PTPN3: variants seen among roughly 807,000 people sequenced by gnomAD.
PTPN3 encodes tyrosine-protein phosphatase non-receptor type 3.
A neutral mutation model predicts 132.7 loss-of-function variants in PTPN3; 96 were observed. That is an observed-to-expected ratio of 0.72 (90% CI 0.61 to 0.86). PTPN3 has a LOEUF of 0.86. Among genes scored for constraint, PTPN3 ranks in the 40% least tolerant of loss-of-function variants. The probability of loss-of-function intolerance (pLI) is 0.00; values close to 1 mark genes in which losing one functional copy is unlikely to be tolerated. For synonymous variants in PTPN3, 398 were observed against 429.0 expected, an observed-to-expected ratio of 0.93 and a Z score of 0.89; for missense variants, 1,125 against 1,159.6, an observed-to-expected ratio of 0.97 and a Z score of 0.43.
chr9:109,523,358 C>G, the PTPN3 span, among the ~76,000 whole-genome samples: 7 of 152,234 alleles, frequency 4.6e-5, no homozygotes, highest in African/African-American at 1.4e-4. Context: ...TTGTGGTCCG[C>G]CTGCCTTGGC....
At chr9:109,533,299 C>T in the PTPN3 span, 1 of 404,890 alleles carries the variant, frequency 2.5e-6, no homozygotes, top group Non-Finnish European at 4.6e-6. Flanking sequence ...CGCCCGCCAC[C>T]GCGCCCGGCT....
At chr9:109,430,978 T>C (rs1330485780) in intron 10 of PTPN3, among the ~76,000 whole-genome samples, 1 of 152,230 alleles carries the variant, frequency 6.6e-6, no homozygotes, top group African/African-American at 2.4e-5. Flanking sequence ...TGCCTTACCC[T>C]GCATGCTTAG....
chr9:109,439,782 G>C (rs1232973491), intron 7 of PTPN3, among the ~76,000 whole-genome samples: 1 of 152,110 alleles, frequency 6.6e-6, no homozygotes, highest in Non-Finnish European at 1.5e-5. Flanking sequence ...GATGGTGCAT[G>C]CCTGTAATCC....
chr9:109,484,754 C>A (rs1847133991), intron 1 of PTPN3, among the ~76,000 whole-genome samples: 1 of 152,192 alleles, frequency 6.6e-6, no homozygotes, highest in African/African-American at 2.4e-5. Flanking sequence ...GCTTCTCTGA[C>A]CCTCCTGCTG....
chr9:109,439,768 G>T (rs913665419), intron 7 of PTPN3, among the ~76,000 whole-genome samples: 1 of 152,140 alleles, frequency 6.6e-6, no homozygotes, highest in African/African-American at 2.4e-5. Flanking sequence ...AATTAGCCAG[G>T]TATGATGGTG....
At chr9:109,453,339 AAT>A (rs1845376885) in intron 5 of PTPN3, among the ~76,000 whole-genome samples, 1 of 152,246 alleles carries the variant, frequency 6.6e-6, no homozygotes, top group Non-Finnish European at 1.5e-5. Context: ...AACAGGATTC[AAT>A]ACTAAGCATC....
At chr9:109,386,654 C>T (rs1220597358) in intron 22 of PTPN3, among the ~76,000 whole-genome samples, 1 of 152,076 alleles carries the variant, frequency 6.6e-6, no homozygotes, top group African/African-American at 2.4e-5. Flanking sequence ...GAATGGGACA[C>T]ACATGGTCAA....
chr9:109,449,615 G>A, intron 5 of PTPN3: 1 of 985,396 alleles, frequency 1.0e-6, no homozygotes, highest in African/African-American at 1.7e-5. Context: ...GAAGCGCCCT[G>A]GGGAGACTTC....
chr9:109,448,201 C>T (rs906297443), intron 6 of PTPN3, among the ~76,000 whole-genome samples: 3 of 152,180 alleles, frequency 2.0e-5, no homozygotes, highest in African/African-American at 7.2e-5. Context: ...CCTCTGAAGA[C>T]CCTCCTCTCC....
chr9:109,460,591 C>T (rs1017103194), intron 2 of PTPN3, among the ~76,000 whole-genome samples: 4 of 152,154 alleles, frequency 2.6e-5, no homozygotes, highest in African/African-American at 9.7e-5. Flanking sequence ...GAAGTGGGCT[C>T]CAGCCTCAGG....
At chr9:109,443,242 A>G (rs1311842430) in intron 7 of PTPN3, among the ~76,000 whole-genome samples, 1 of 151,954 alleles carries the variant, frequency 6.6e-6, no homozygotes, top group Admixed American at 6.6e-5. Context: ...ACACCCAGCT[A>G]ATTTTTCTAT....
At chr9:109,384,146 C>A (rs531496936) in intron 22 of PTPN3, among the ~76,000 whole-genome samples, 1 of 152,018 alleles carries the variant, frequency 6.6e-6, no homozygotes, top group Non-Finnish European at 1.5e-5. Context: ...GCTGGTGAGG[C>A]GGCCGGCGTG....
intron 1 of PTPN3, among the ~76,000 whole-genome samples, chr9:109,484,213 A>G (rs1230583096): frequency 6.6e-6 from 1 of 152,210 alleles, no homozygotes; most frequent in Non-Finnish European, 1.5e-5. Context: ...CATGTCCCAC[A>G]GCAGTCCCTC....
At chr9:109,402,285 C>T (rs562822185) in intron 19 of PTPN3, among the ~76,000 whole-genome samples, 1 of 127,824 alleles carries the variant, frequency 7.8e-6, no homozygotes, top group African/African-American at 2.5e-5. Context: ...CTCTACATTT[C>T]CTTTTTTTTT....
intron 1 of PTPN3, among the ~76,000 whole-genome samples, chr9:109,493,574 A>T (rs1029873989): frequency 1.4e-4 from 22 of 152,286 alleles, no homozygotes; most frequent in African/African-American, 5.3e-4. Flanking sequence ...AAACCATCAA[A>T]ATGTTTCAAA....
At chr9:109,417,333 T>C (rs1229696660) in intron 14 of PTPN3, among the ~76,000 whole-genome samples, 5 of 152,220 alleles carry the variant, frequency 3.3e-5, no homozygotes, top group African/African-American at 1.2e-4. Flanking sequence ...TCTTTCTCTC[T>C]TTCTTCTTTT....
chr9:109,410,156 A>T, intron 15 of PTPN3, 73 bp downstream of exon 15: 2 of 1,612,418 alleles, frequency 1.2e-6, no homozygotes, highest in African/African-American at 2.7e-5. Flanking sequence ...ATTTAGTTAG[A>T]GCTACTCAGC....
At position 109,383,487 on chromosome 9, in the gene PTPN3, T is replaced by C; in HGVS notation, c.2318A>G (p.Gln773Arg). Residue 773 changes from glutamine (Q) to arginine (R), a missense_variant, in exon 23 of 26, where the codon CAG becomes CGG. Transcript: ENST00000374541. ...GATGGTGCAGTCCTCTGACTGACAC[T>C]GGATGTGAAAGCCGCCGTGGTTCAT... The part of the protein sequence containing the change: ...DVMNHGGFHI[Q>R]CQSEDCTIAY... 1 of 1,613,824 alleles carries C rather than the reference T, an allele frequency of 6.2e-7. No homozygotes were observed. Among genetic ancestry groups the C allele is most frequent in the Non-Finnish European group, 8.5e-7 (1 of 1,179,946 alleles).
rs773106170 is a variant in PTPN3 at position 109,382,462 on chromosome 9, G to A, written c.2383-15C>T. The A allele has an allele frequency of 6.2e-7, 1 of 1,613,416 alleles. No individual in the cohort carries two copies. Among genetic ancestry groups the A allele is most frequent in the African/African-American group, 1.3e-5 (1 of 74,914 alleles). ...TCTTCCCCGGTCTGTGGGAGATGCA[G>A]TGGCCTTGGTGAGCCCATCCAGGTG... is the stretch of plus-strand genomic sequence containing the variant. On this transcript the variant is annotated splice_polypyrimidine_tract_variant and intron_variant, in intron 23 of 25. Coordinates refer to ENST00000374541, the MANE Select transcript of PTPN3 (RefSeq NM_002829.4).
Sources: allele counts gnomAD v4.1 joint callset (sites outside exome capture counted in the v4.1 genomes callset), GRCh38; gene constraint gnomAD v4.1.1; transcripts MANE v1.5; gene names NCBI Gene and HGNC (gene_info 2026-07-23, HGNC 2026-07-21).